RNF150: variants seen among roughly 807,000 people sequenced by gnomAD.
RNF150 encodes the protein ring finger protein 150.
In RNF150, 24 loss-of-function variants were observed where a neutral mutation model predicts 39.3. The observed-to-expected ratio is 0.61, with a 90% CI of 0.44 to 0.86. RNF150 has a LOEUF of 0.86. Ranked by LOEUF, RNF150 falls within the 40% of genes least tolerant of loss-of-function variation. The pLI, the probability that RNF150 is intolerant of heterozygous loss-of-function variation, is 0.00. For missense variants in RNF150, 502 were observed against 587.8 expected, an observed-to-expected ratio of 0.85 and a Z score of 1.51; for synonymous variants, 255 against 227.3, an observed-to-expected ratio of 1.12 and a Z score of -1.10.
intron 1 of RNF150, among the ~76,000 whole-genome samples, chr4:141,150,415 C>T (rs778827639): frequency 3.3e-5 from 5 of 152,224 alleles, no homozygotes; most frequent in Admixed American, 6.5e-5. Flanking sequence ...CTTCCACCCA[C>T]GGGTGTGAGC....
At chr4:140,913,164 G>A (rs1273629503) in intron 5 of RNF150, among the ~76,000 whole-genome samples, 1 of 152,188 alleles carries the variant, frequency 6.6e-6, no homozygotes, top group Non-Finnish European at 1.5e-5. Flanking sequence ...GGGAGACTGA[G>A]GCAGGGGAAT....
chr4:141,064,683 A>T (rs1578686672), intron 1 of RNF150, among the ~76,000 whole-genome samples: 1 of 152,310 alleles, frequency 6.6e-6, no homozygotes, highest in East Asian at 1.9e-4. Flanking sequence ...AAACCACAGC[A>T]AAATAAAAGA....
At chr4:141,205,068 G>A (rs1728353153) in intron 1 of RNF150, among the ~76,000 whole-genome samples, 1 of 152,124 alleles carries the variant, frequency 6.6e-6, no homozygotes, top group African/African-American at 2.4e-5. Context: ...CGCTTTTTAA[G>A]GTCATTTGAC....
At chr4:140,921,663 C>G (rs1458685000) in intron 5 of RNF150, among the ~76,000 whole-genome samples, 1 of 151,914 alleles carries the variant, frequency 6.6e-6, no homozygotes, top group African/African-American at 2.4e-5. Context: ...GAGACACAAC[C>G]AAAAGAGAGA....
intron 1 of RNF150, among the ~76,000 whole-genome samples, chr4:141,116,745 G>A (rs1739560647): frequency 6.6e-6 from 1 of 152,132 alleles, no homozygotes; most frequent in Non-Finnish European, 1.5e-5. Flanking sequence ...CAACCCACAT[G>A]TCTATCAATG....
chr4:140,939,394 A>C (rs1469180074), intron 4 of RNF150, among the ~76,000 whole-genome samples: 1 of 152,228 alleles, frequency 6.6e-6, no homozygotes, highest in East Asian at 1.9e-4. Context: ...CAAATTACAA[A>C]GGGGAGCTCT....
chr4:141,132,405 G>T lies in RNF150; in HGVS notation c.404C>A (p.Ala135Glu). 2 of 1,607,676 alleles carry T rather than the reference G, an allele frequency of 1.2e-6. No homozygotes were observed. Among genetic ancestry groups the T allele is most frequent in the Non-Finnish European group, 8.5e-7 (1 of 1,177,554 alleles). ...CACGGCTGAGGCGTTCTGCAGGAAC[G>T]CGTTCCGGATCTTATCCCTGTACGT... Reference protein sequence around the residue: ...NCTYRDKIRNAFLQNASAVVI... With the variant: ...NCTYRDKIRNEFLQNASAVVI... The change falls in exon 1 of 7, where the codon GCG becomes GAG. Residue 135 changes from alanine (A) to glutamate (E), a missense_variant. Physicochemically the swap from Ala to Glu is moderately radical, Grantham distance 107. Transcript: ENST00000515673. This position sits in a 1 kb window ranked among gnomAD's most constrained non-coding sequence, Gnocchi z 4.9.
At chr4:141,208,141 C>T (rs1307016291) in intron 1 of RNF150, among the ~76,000 whole-genome samples, 1 of 152,214 alleles carries the variant, frequency 6.6e-6, no homozygotes, top group Non-Finnish European at 1.5e-5. Flanking sequence ...AGTATTCCTG[C>T]CTTGCCCTGC....
intron 6 of RNF150, among the ~76,000 whole-genome samples, chr4:140,910,625 G>A (rs528247656): frequency 7.9e-5 from 12 of 152,236 alleles, no homozygotes; most frequent in Admixed American, 4.6e-4. Context: ...TCACATCCAC[G>A]TCCTACAGCA....
At chr4:141,064,547 G>A (rs1737376324) in intron 1 of RNF150, among the ~76,000 whole-genome samples, 1 of 152,034 alleles carries the variant, frequency 6.6e-6, no homozygotes, top group South Asian at 2.1e-4. Flanking sequence ...AGGTTGTAAT[G>A]CTCTATGATC....
At chr4:140,917,593 A>G (rs1311274789) in intron 5 of RNF150, among the ~76,000 whole-genome samples, 1 of 152,232 alleles carries the variant, frequency 6.6e-6, no homozygotes, top group Non-Finnish European at 1.5e-5. Flanking sequence ...TCATAATGGG[A>G]GACTTTAACA....
chr4:140,880,442 A>T (rs1305436594), intron 6 of RNF150, among the ~76,000 whole-genome samples: 1 of 151,710 alleles, frequency 6.6e-6, no homozygotes, highest in Non-Finnish European at 1.5e-5. Context: ...TTTATTGGTT[A>T]TATTGGTCTG....
chr4:141,121,570 T>C (rs1726601470), intron 1 of RNF150, among the ~76,000 whole-genome samples: 2 of 152,174 alleles, frequency 1.3e-5, no homozygotes, highest in African/African-American at 2.4e-5. Context: ...GTCTAATCAC[T>C]TCTGACTCAT....
chr4:140,951,298 C>A (rs1342441745), intron 2 of RNF150, among the ~76,000 whole-genome samples: 2 of 152,138 alleles, frequency 1.3e-5, no homozygotes, highest in Non-Finnish European at 2.9e-5. Flanking sequence ...TTCCCTATAT[C>A]CCCAGCATAT....
intron 2 of RNF150, among the ~76,000 whole-genome samples, chr4:140,956,435 C>G (rs570902832): frequency 2.0e-5 from 3 of 152,136 alleles, no homozygotes; most frequent in Non-Finnish European, 4.4e-5. Context: ...TGTCATGAAT[C>G]TGGCCTCCCA....
At chr4:141,207,447 G>C (rs1018055309) in intron 1 of RNF150, among the ~76,000 whole-genome samples, 1 of 152,092 alleles carries the variant, frequency 6.6e-6, no homozygotes, top group African/African-American at 2.4e-5. Context: ...GAAAGCAGGA[G>C]AAGAAATGTG....
At chr4:141,178,261 T>C (rs1727849490) in intron 1 of RNF150, among the ~76,000 whole-genome samples, 1 of 151,956 alleles carries the variant, frequency 6.6e-6, no homozygotes, top group African/African-American at 2.4e-5. Context: ...TGTGTGTGTG[T>C]GCGTGCGCAT....
At chr4:140,901,638 T>C (rs1209891068) in intron 6 of RNF150, among the ~76,000 whole-genome samples, 2 of 152,234 alleles carry the variant, frequency 1.3e-5, no homozygotes, top group Admixed American at 1.3e-4. Flanking sequence ...CTGTATGCCA[T>C]AAACTGTGCT....
intron 1 of RNF150, among the ~76,000 whole-genome samples, chr4:141,116,564 T>C (rs750069252): frequency 5.3e-5 from 8 of 152,210 alleles, no homozygotes; most frequent in Non-Finnish European, 8.8e-5. Flanking sequence ...AGTTCAACCA[T>C]TGTAGAAGAC....
Sources: allele counts gnomAD v4.1 joint callset (sites outside exome capture counted in the v4.1 genomes callset), GRCh38; gene constraint gnomAD v4.1.1; non-coding constraint Gnocchi (gnomAD v3.1); transcripts MANE v1.5; gene names NCBI Gene and HGNC (gene_info 2026-07-23, HGNC 2026-07-21).